The following SIPA1L1 variants were observed in gnomAD, a reference collection of about 807,000 sequenced individuals.
SIPA1L1 encodes signal-induced proliferation-associated 1-like protein 1.
Under a neutral mutation model 162.7 loss-of-function variants are expected in SIPA1L1, and 26 were observed. The observed-to-expected ratio is 0.16, with a 90% CI of 0.12 to 0.22. The LOEUF (loss-of-function observed/expected upper bound fraction) is 0.22, where lower values mean the gene tolerates loss of function less well. Among genes scored for constraint, SIPA1L1 ranks in the 10% least tolerant of loss-of-function variants. SIPA1L1 has a pLI of 1.00. For synonymous variants in SIPA1L1, 829 were observed against 837.4 expected (o/e 0.99, Z 0.17); for missense variants, 1,874 against 2,241.0 (o/e 0.84, Z 3.31).
Position 71,529,318 on chromosome 14 carries a change from C to T in SIPA1L1, c.-355C>T. 1.5e-6 allele frequency: 1 copy of T among 661,070 alleles called. No homozygotes were observed. Among genetic ancestry groups the T allele is most frequent in the Non-Finnish European group, 2.7e-6 (1 of 367,710 alleles). 41.0% of individuals were successfully genotyped at this position (661,070 alleles called of 1,614,324 possible). On this transcript the variant is annotated 5_prime_UTR_variant, in exon 4 of 24. Coordinates refer to ENST00000381232, the MANE Select transcript of SIPA1L1 (RefSeq NM_001386936.1). ...TTTTCTAATTTTATTTCAGGTTATA[C>T]CTTATTGGTGTGGACGTTGTCTAAA... is the stretch of plus-strand genomic sequence containing the variant.
rs553306308 is a variant in SIPA1L1 at position 71,700,907 on chromosome 14, T to C, written c.3522-1474T>C. Reference sequence around the variant, plus strand: ...TACTCAGGAGTCTGAGGCAGGAGAATGGTGTGAACCCGGGAGGCGGAGCTT... The same window carrying C: ...TACTCAGGAGTCTGAGGCAGGAGAACGGTGTGAACCCGGGAGGCGGAGCTT... On this transcript the variant is annotated intron_variant, in intron 14 of 23. Coordinates refer to ENST00000381232, the MANE Select transcript of SIPA1L1 (RefSeq NM_001386936.1). Among the ~76,000 whole-genome samples the C allele has an allele frequency of 2.5e-3, 346 of 137,450 alleles. 2 individuals are homozygous for C. Among genetic ancestry groups the C allele is most frequent in the South Asian group, 6.9e-3 (30 of 4,328 alleles). The allele number at this position is 137,450 out of a possible 152,430, so 90.2% of individuals were successfully genotyped here.
intron 4 of SIPA1L1, among the ~76,000 whole-genome samples, chr14:71,580,262 A>T (rs942742126): frequency 1.1e-4 from 17 of 152,220 alleles, no homozygotes; most frequent in Admixed American, 9.8e-4. Context: ...GTGAGTCCAC[A>T]TAGAGACATT....
chr14:71,592,961 C>A (rs994541532), intron 5 of SIPA1L1, among the ~76,000 whole-genome samples: 13 of 152,194 alleles, frequency 8.5e-5, no homozygotes, highest in Admixed American at 3.3e-4. Flanking sequence ...ATATTGAGAA[C>A]CAGGATTAAA....
At position 71,510,981 on chromosome 14, in the gene SIPA1L1, CAG is replaced by C. The variant is rs375520908; in HGVS notation, c.-464-1757_-464-1756del. ...GTCTTTCCCTGAAATGTTTTTCATACAGAGAGTTTAGTATACTTACCATTGAT... is the reference window on the plus strand; with the variant it reads ...GTCTTTCCCTGAAATGTTTTTCATACAGAGTTTAGTATACTTACCATTGAT... On this transcript the variant is annotated intron_variant, in intron 2 of 23. Transcript: ENST00000381232. Among the ~76,000 whole-genome samples the C allele has an allele frequency of 4.5e-4, 69 of 152,172 alleles. 1 individual carries two copies. The South Asian group carries it at 0.014, about 30-fold the overall frequency.
chr14:71,428,048 G>A (rs187889671), intron 2 of SIPA1L1, among the ~76,000 whole-genome samples: 160 of 151,440 alleles, frequency 1.1e-3, no homozygotes, highest in African/African-American at 3.4e-3. Context: ...GATGGAGTGC[G>A]GTGGTGTGAT....
intron 4 of SIPA1L1, among the ~76,000 whole-genome samples, chr14:71,572,343 T>A (rs908061879): frequency 6.6e-6 from 1 of 152,190 alleles, no homozygotes; most frequent in Admixed American, 6.5e-5. Flanking sequence ...ATGGCAAATG[T>A]TTTACTACCT....
chr14:71,609,822 G>T (rs1279355307), intron 5 of SIPA1L1, among the ~76,000 whole-genome samples: 1 of 151,988 alleles, frequency 6.6e-6, no homozygotes, highest in Non-Finnish European at 1.5e-5. Flanking sequence ...GAACTCCTAG[G>T]CTCAAGCAGT....
At chr14:71,554,174 G>A (rs887253549) in intron 4 of SIPA1L1, among the ~76,000 whole-genome samples, 2 of 152,052 alleles carry the variant, frequency 1.3e-5, no homozygotes, top group African/African-American at 4.8e-5. Context: ...TTAAGATACA[G>A]TATTTTTTTT....
chr14:71,358,716 C>T lies in SIPA1L1; in HGVS notation c.-465+37535C>T, dbSNP rs973340768. Among the ~76,000 whole-genome samples, 30 of 152,144 alleles carry T rather than the reference C, an allele frequency of 2.0e-4. 1 individual carries two copies. The highest frequency in any genetic ancestry group is 5.1e-4 in the African/African-American group (21 of 41,420). On this transcript the variant is annotated intron_variant, in intron 2 of 23. Transcript: ENST00000381232. ...TAAAGAAAGAGATTTAATTGATTCA[C>T]GGTTCCACAGGCTGTACAGGAAGCA...
chr14:71,544,549 G>C (rs1016306074), intron 4 of SIPA1L1, among the ~76,000 whole-genome samples: 1 of 151,714 alleles, frequency 6.6e-6, no homozygotes, highest in South Asian at 2.1e-4. Flanking sequence ...GCCAATATTG[G>C]GAAGATATTT....
intron 2 of SIPA1L1, among the ~76,000 whole-genome samples, chr14:71,392,581 G>A: frequency 6.6e-6 from 1 of 152,114 alleles, no homozygotes; most frequent in Non-Finnish European, 1.5e-5. Flanking sequence ...AGGCTGGAGT[G>A]CAGTGGTGCG....
At chr14:71,655,001 GTA>G (rs1263776018) in intron 8 of SIPA1L1, among the ~76,000 whole-genome samples, 1 of 152,122 alleles carries the variant, frequency 6.6e-6, no homozygotes, top group Non-Finnish European at 1.5e-5. Context: ...GTTAACAGGG[GTA>G]TATTGCATAA....
At chr14:71,722,318 T>C (rs964370855) in intron 17 of SIPA1L1, among the ~76,000 whole-genome samples, 2 of 152,242 alleles carry the variant, frequency 1.3e-5, no homozygotes, top group African/African-American at 4.8e-5. Context: ...GAGGGTTCTA[T>C]TCAGTTATCT....
At chr14:71,524,000 G>A (rs1334388911) in intron 3 of SIPA1L1, among the ~76,000 whole-genome samples, 1 of 152,122 alleles carries the variant, frequency 6.6e-6, no homozygotes, top group Non-Finnish European at 1.5e-5. Context: ...TTTTATTGAA[G>A]GATGGTGTTT....
At chr14:71,381,394 G>A (rs757957186) in intron 2 of SIPA1L1, among the ~76,000 whole-genome samples, 2 of 151,974 alleles carry the variant, frequency 1.3e-5, no homozygotes, top group African/African-American at 2.4e-5. Flanking sequence ...CCCTCACCCC[G>A]CCCTTCATAT....
At chr14:71,713,964 T>C (rs1037978243) in intron 17 of SIPA1L1, among the ~76,000 whole-genome samples, 11 of 152,220 alleles carry the variant, frequency 7.2e-5, no homozygotes, top group African/African-American at 2.4e-4. Flanking sequence ...CTAAATATTA[T>C]GGACTAACTC....
intron 10 of SIPA1L1, among the ~76,000 whole-genome samples, chr14:71,668,728 C>T (rs979829476): frequency 2.0e-5 from 3 of 152,154 alleles, no homozygotes; most frequent in East Asian, 1.9e-4. Context: ...CTGAGTAGAA[C>T]ATTCCAGTCC....
rs557243483 is a variant in SIPA1L1, at chr14:71,664,694, T to C, written c.2255+3227T>C. Among the ~76,000 whole-genome samples, 3 of 152,324 alleles carry C rather than the reference T, an allele frequency of 2.0e-5. No homozygotes were observed. The South Asian group carries it at 6.2e-4, about 32-fold the overall frequency. ...TTTGTACCCCAAGTGCTTTTTAGCA[T>C]TTAAAACCTCTTGGTCCCAACTTTC... On this transcript the variant is annotated intron_variant, in intron 10 of 23. Transcript: ENST00000381232.
intron 2 of SIPA1L1, among the ~76,000 whole-genome samples, chr14:71,348,681 A>T (rs1044378587): frequency 6.6e-6 from 1 of 151,816 alleles, no homozygotes; most frequent in Admixed American, 6.5e-5. Context: ...AAGCTTTAAA[A>T]CAAAGTGATA....
Sources: allele counts gnomAD v4.1 joint callset (sites outside exome capture counted in the v4.1 genomes callset), GRCh38; gene constraint gnomAD v4.1.1; transcripts MANE v1.5; gene names NCBI Gene and HGNC (gene_info 2026-07-23, HGNC 2026-07-21).